The following CCDC171 variants were observed in gnomAD, a reference collection of about 807,000 sequenced individuals.
CCDC171 encodes coiled-coil domain containing 171.
Under a neutral mutation model 168.2 loss-of-function variants are expected in CCDC171, and 177 were observed. That is an observed-to-expected ratio of 1.05 (90% confidence interval 0.93 to 1.19). The LOEUF (loss-of-function observed/expected upper bound fraction) is 1.19. Ranked by LOEUF, CCDC171 falls within the 50% of genes most tolerant of loss-of-function variation. The pLI, the probability that CCDC171 is intolerant of heterozygous loss-of-function variation, is 0.00. For missense variants in CCDC171, 1,991 were observed against 1,539.0 expected (o/e 1.29, Z -4.91); for synonymous variants, 687 against 540.8 (o/e 1.27, Z -3.75).
intron 11 of CCDC171, among the ~76,000 whole-genome samples, chr9:15,697,175 T>C (rs1180998944): frequency 6.6e-6 from 1 of 152,204 alleles, no homozygotes; most frequent in Non-Finnish European, 1.5e-5. Context: ...TTTCCTCTGC[T>C]TCCTCTGCTC....
chr9:15,921,784 G>C (rs1536685), intron 25 of CCDC171, among the ~76,000 whole-genome samples: 14,844 of 151,280 alleles, frequency 0.098, 1,850 homozygotes, highest in African/African-American at 0.29. Context: ...TTAAAATTTT[G>C]GAGTATTTGG....
intron 1 of CCDC171, among the ~76,000 whole-genome samples, chr9:15,560,534 G>A (rs1055733950): frequency 5.9e-5 from 9 of 152,066 alleles, no homozygotes; most frequent in African/African-American, 2.2e-4. Context: ...ACTGAAGCTT[G>A]TGCATTCGTC....
chr9:15,708,414 G>C (rs1433431649), intron 11 of CCDC171, among the ~76,000 whole-genome samples: 2 of 152,188 alleles, frequency 1.3e-5, no homozygotes, highest in African/African-American at 2.4e-5. Context: ...TCCTATGACA[G>C]TAGACAGACA....
chr9:15,856,357 C>A (rs2061349641), intron 23 of CCDC171, among the ~76,000 whole-genome samples: 1 of 151,942 alleles, frequency 6.6e-6, no homozygotes, highest in African/African-American at 2.4e-5. Flanking sequence ...ACCCCAGCCC[C>A]TGGTAACCAC....
intron 11 of CCDC171, among the ~76,000 whole-genome samples, chr9:15,706,096 CT>C (rs2052199687): frequency 6.6e-6 from 1 of 152,146 alleles, no homozygotes; most frequent in Middle Eastern, 3.2e-3. Context: ...CCTATTTCTG[CT>C]TTCTACTATC....
chr9:15,630,162 A>G (rs867759020), intron 7 of CCDC171, among the ~76,000 whole-genome samples: 7 of 152,180 alleles, frequency 4.6e-5, no homozygotes, highest in African/African-American at 1.7e-4. Context: ...GACAGGATCA[A>G]ATTCACACAT....
intron 3 of CCDC171, among the ~76,000 whole-genome samples, chr9:15,984,145 T>G (rs1372218050): frequency 6.6e-6 from 1 of 152,224 alleles, no homozygotes; most frequent in Admixed American, 6.5e-5. Flanking sequence ...GTAAAGCCAC[T>G]GAAGCCATGG....
intron 3 of CCDC171, among the ~76,000 whole-genome samples, chr9:16,019,842 A>G (rs112808503): frequency 0.017 from 2,633 of 152,324 alleles, 75 homozygotes; most frequent in African/African-American, 0.059. Context: ...TCAAAGGGAA[A>G]GTTGATGTCA....
chr9:15,825,349 C>A (rs1014433676), intron 21 of CCDC171, among the ~76,000 whole-genome samples: 2 of 152,070 alleles, frequency 1.3e-5, no homozygotes, highest in African/African-American at 4.8e-5. Flanking sequence ...GGAAATAGGG[C>A]TATCACATCT....
chr9:15,988,797 G>A (rs7023326), intron 3 of CCDC171, among the ~76,000 whole-genome samples: 74,125 of 152,036 alleles, frequency 0.49, 19,522 homozygotes, highest in African/African-American at 0.7. Flanking sequence ...CGCCTGGCTC[G>A]GAGGGTCCCA....
At chr9:16,102,370 C>T in the CCDC171 span, among the ~76,000 whole-genome samples, 2 of 151,906 alleles carry the variant, frequency 1.3e-5, no homozygotes, top group Admixed American at 6.6e-5. Context: ...GAGCTTGTCA[C>T]TTGTCTCAGA....
chr9:15,674,770 T>C (rs974571556), intron 9 of CCDC171, among the ~76,000 whole-genome samples: 5 of 152,224 alleles, frequency 3.3e-5, no homozygotes, highest in South Asian at 2.1e-4. Context: ...GAGGAGTGTT[T>C]TATTTCCAAT....
chr9:15,631,695 A>G (rs957258848), intron 7 of CCDC171, among the ~76,000 whole-genome samples: 2 of 152,200 alleles, frequency 1.3e-5, no homozygotes, highest in African/African-American at 4.8e-5. Context: ...TCTGATACGA[A>G]AGCCGGGCAG....
intron 24 of CCDC171, among the ~76,000 whole-genome samples, chr9:15,876,333 G>A (rs1169471): frequency 0.86 from 130,852 of 152,080 alleles, 56,357 homozygotes; most frequent in East Asian, 0.96. Context: ...AGTACCTACA[G>A]TTTCAGCGAA....
intron 6 of CCDC171, among the ~76,000 whole-genome samples, chr9:15,616,152 A>G (rs2044067514): frequency 6.6e-6 from 1 of 151,876 alleles, no homozygotes; most frequent in Non-Finnish European, 1.5e-5. Flanking sequence ...AGTTTCCACC[A>G]TGTTGGCCAG....
chr9:15,642,578 A>G (rs2046727655), intron 7 of CCDC171, among the ~76,000 whole-genome samples: 1 of 151,782 alleles, frequency 6.6e-6, no homozygotes, highest in Non-Finnish European at 1.5e-5. Flanking sequence ...TTGGACTAGA[A>G]GATTTAAAAA....
intron 21 of CCDC171, among the ~76,000 whole-genome samples, chr9:15,800,026 C>T (rs550664369): frequency 6.6e-6 from 1 of 152,196 alleles, no homozygotes; most frequent in African/African-American, 2.4e-5. Flanking sequence ...TTGATGGCCA[C>T]TTAGGTTGCT....
In CCDC171 at chr9:15,643,024, G is replaced by T. The variant is rs1445318907; in HGVS notation, c.823-14103G>T. 9.2e-5 allele frequency among the ~76,000 whole-genome samples: 14 copies of T among 151,806 alleles called. No individual in the cohort carries two copies. In the South Asian group the frequency reaches 1.5e-3, roughly 16 times the overall value. On this transcript the variant is annotated intron_variant, in intron 7 of 25. Coordinates refer to ENST00000380701, the MANE Select transcript of CCDC171 (RefSeq NM_173550.4). ...CTGAGAAAATATTTTAAAATTGTTA[G>T]CCTTGTTTTTTTTCTCTCTGTGCCC...
intron 1 of CCDC171, among the ~76,000 whole-genome samples, chr9:16,047,687 G>A (rs553739354): frequency 3.3e-4 from 51 of 152,244 alleles, no homozygotes; most frequent in Admixed American, 5.2e-4. Flanking sequence ...TCAGGAGCAC[G>A]TGGATTTGAA....
Sources: gnomAD v4.1 joint callset for allele counts (sites outside exome capture counted in the v4.1 genomes callset) on GRCh38, gnomAD v4.1.1 for gene constraint, MANE v1.5 for transcripts, NCBI Gene and HGNC (gene_info 2026-07-23, HGNC 2026-07-21) for gene names.